KIRREL1: variants seen among roughly 807,000 people sequenced by gnomAD.
KIRREL1 encodes the protein kirre like nephrin family adhesion molecule 1, also known as kin of IRRE-like protein 1.
Under a neutral mutation model 83.3 loss-of-function variants are expected in KIRREL1, and 25 were observed. That is an observed-to-expected ratio of 0.30 (90% CI 0.22 to 0.42). The LOEUF (loss-of-function observed/expected upper bound fraction) is 0.42, where lower values mean the gene tolerates loss of function less well. Ranked by LOEUF, KIRREL1 falls within the 10% of genes least tolerant of loss-of-function variation. The probability of loss-of-function intolerance (pLI) is 1.00; values close to 1 mark genes in which losing one functional copy is unlikely to be tolerated. For missense variants in KIRREL1, 812 were observed against 1,032.3 expected (o/e 0.79, Z 2.92); for synonymous variants, 388 against 410.4 (o/e 0.95, Z 0.66).
chr1:158,002,596 A>G (rs1055871067), intron 1 of KIRREL1, among the ~76,000 whole-genome samples: 8 of 152,204 alleles, frequency 5.3e-5, no homozygotes, highest in African/African-American at 9.7e-5. Context: ...AAAGGTAGGT[A>G]AGATTTAGTC....
chr1:158,026,921 G>A (rs1181998125), intron 1 of KIRREL1, among the ~76,000 whole-genome samples: 2 of 152,114 alleles, frequency 1.3e-5, no homozygotes, highest in Admixed American at 6.5e-5. Flanking sequence ...AAATGTGTGG[G>A]GTTTTCCCTG....
chr1:158,071,987 C>T (rs1054596459), intron 1 of KIRREL1, among the ~76,000 whole-genome samples: 6 of 152,144 alleles, frequency 3.9e-5, no homozygotes, highest in Admixed American at 6.5e-5. Context: ...ATGCCCTGTC[C>T]GAGGCCTGCA....
In KIRREL1 at chr1:158,096,970, C is replaced by T. The variant is rs929256664; in HGVS notation, c.*1850C>T. 5.5e-5 allele frequency: 25 copies of T among 456,636 alleles called. No homozygotes were observed. Among genetic ancestry groups the T allele is most frequent in the Middle Eastern group, 3.2e-4 (1 of 3,098 alleles). The allele number at this position is 456,636 out of a possible 1,614,324, so 28.3% of individuals were successfully genotyped here. On this transcript the variant is annotated 3_prime_UTR_variant, in exon 15 of 15. Transcript: ENST00000359209. ...CACCCTTATGGATGGGTCTGGGGGG[C>T]GACATTCCTGGCCAACCCCTTGTAG...
rs775748534 is a variant in KIRREL1, at chr1:158,099,396, G to C, written c.*4276G>C. ...TTTCTCCTCCTCTCCTCAAGGCCAG[G>C]CTTTTTGTGAAAGGCATTGGCTCAT... On this transcript the variant is annotated 3_prime_UTR_variant, in exon 15 of 15. Coordinates refer to ENST00000359209, the MANE Select transcript of KIRREL1 (RefSeq NM_018240.7). 4 of 152,190 alleles carry C rather than the reference G, an allele frequency of 2.6e-5. No homozygotes were observed. The highest frequency in any genetic ancestry group is 4.4e-5 in the Non-Finnish European group (3 of 68,042). The allele number at this position is 152,190 out of a possible 1,614,324, so 9.4% of individuals were successfully genotyped here.
At chr1:158,066,333 C>A (rs1170238366) in intron 1 of KIRREL1, among the ~76,000 whole-genome samples, 1 of 152,176 alleles carries the variant, frequency 6.6e-6, no homozygotes, top group Non-Finnish European at 1.5e-5. Flanking sequence ...TCTGTCCTGT[C>A]CTCTGTTTCT....
chr1:158,076,408 C>T, intron 2 of KIRREL1, 146 bp downstream of exon 2: 2 of 739,924 alleles, frequency 2.7e-6, no homozygotes, highest in Non-Finnish European at 4.5e-6. Flanking sequence ...TGCTACTGAG[C>T]TCCATTTCTA....
rs1662375827 is a variant in KIRREL1, at chr1:158,097,147, A to G, written c.*2027A>G. ...CTTCCAGCTGTATTCCATCCCTGGA[A>G]GCTGATACCTTTCTATAGAGTCCTT... On this transcript the variant is annotated 3_prime_UTR_variant, in exon 15 of 15. Coordinates refer to ENST00000359209, the MANE Select transcript of KIRREL1 (RefSeq NM_018240.7). 2 of 448,896 alleles carry G rather than the reference A, an allele frequency of 4.5e-6. No individual in the cohort carries two copies. The highest frequency in any genetic ancestry group is 3.2e-5 in the South Asian group (2 of 62,772). The allele number at this position is 448,896 out of a possible 1,614,324, so 27.8% of individuals were successfully genotyped here.
chr1:157,993,842 C>T (rs1659113800), intron 1 of KIRREL1, 114 bp downstream of exon 1: 1 of 594,814 alleles, frequency 1.7e-6, no homozygotes, highest in Non-Finnish European at 2.7e-6. Flanking sequence ...TCCCCGGGTC[C>T]GGACGCCACG....
rs192057980 is a variant in KIRREL1, at chr1:158,086,923, G to A, written c.661+177G>A. Among the ~76,000 whole-genome samples, 46 of 152,218 alleles carry A rather than the reference G, an allele frequency of 3.0e-4. No individual in the cohort carries two copies. The South Asian group carries it at 4.2e-3, about 14-fold the overall frequency. On this transcript the variant is annotated intron_variant, in intron 5 of 14. Transcript: ENST00000359209. ...ATTGAACCATGGGGACTAAGGGCTG[G>A]TAGAGCATTGGCTGTGGAGTCAGGC...
chr1:158,048,861 A>G (rs1161306397), intron 1 of KIRREL1, among the ~76,000 whole-genome samples: 1 of 152,176 alleles, frequency 6.6e-6, no homozygotes, highest in African/African-American at 2.4e-5. Context: ...AAGTATTTAA[A>G]GTGTTTGAAC....
At chr1:158,009,852 G>A (rs1297893181) in intron 1 of KIRREL1, among the ~76,000 whole-genome samples, 1 of 152,128 alleles carries the variant, frequency 6.6e-6, no homozygotes, top group Non-Finnish European at 1.5e-5. Flanking sequence ...AACATAAAAG[G>A]GTTAAACATA....
intron 5 of KIRREL1, 53 bp downstream of exon 5, chr1:158,086,799 G>A (rs1662030280): frequency 2.0e-6 from 3 of 1,487,670 alleles, no homozygotes; most frequent in South Asian, 2.4e-5. Flanking sequence ...GAAGGGGTGT[G>A]TTTGAGAAGC....
At chr1:158,057,301 C>T (rs534961538) in intron 1 of KIRREL1, among the ~76,000 whole-genome samples, 1 of 152,278 alleles carries the variant, frequency 6.6e-6, no homozygotes, top group African/African-American at 2.4e-5. Flanking sequence ...TTTCTGTTAT[C>T]CCAGAAAGGA....
chr1:158,048,286 AT>A (rs1192235719), intron 1 of KIRREL1, among the ~76,000 whole-genome samples: 4 of 152,274 alleles, frequency 2.6e-5, no homozygotes, highest in African/African-American at 9.6e-5. Flanking sequence ...CCTATGAAGA[AT>A]TATTTATGTT....
In KIRREL1 at chr1:158,081,196, A is replaced by ACC. The variant is rs1661844058; in HGVS notation, c.352+3056_352+3057insCC. ...ATGAGCATGACTTCTGGGTCAGGCAAGCCTGGTCCACATCCTAGCTCTGCC... is the reference window on the plus strand; with the variant it reads ...ATGAGCATGACTTCTGGGTCAGGCAACCGCCTGGTCCACATCCTAGCTCTGCC... On this transcript the variant is annotated intron_variant, in intron 3 of 14. Transcript: ENST00000359209. Among the ~76,000 whole-genome samples the ACC allele has an allele frequency of 2.0e-5, 2 of 97,810 alleles. 1 individual carries two copies. Among genetic ancestry groups the ACC allele is most frequent in the Non-Finnish European group, 5.0e-5 (2 of 39,980 alleles). 64.2% of individuals were successfully genotyped at this position (97,810 alleles called of 152,430 possible). A position where few individuals can be genotyped will look rare whatever the true frequency, so the allele number is the denominator to read the frequency against.
chr1:158,034,059 G>A (rs956227528), intron 1 of KIRREL1, among the ~76,000 whole-genome samples: 2 of 151,808 alleles, frequency 1.3e-5, no homozygotes, highest in African/African-American at 4.8e-5. Flanking sequence ...GGATCACGAG[G>A]TCAGGAAATC....
chr1:158,071,160 T>C (rs965127639), intron 1 of KIRREL1, among the ~76,000 whole-genome samples: 16 of 152,178 alleles, frequency 1.1e-4, no homozygotes, highest in African/African-American at 3.9e-4. Flanking sequence ...CTGGCACTTT[T>C]CTCTCTGGAT....
intron 2 of KIRREL1, among the ~76,000 whole-genome samples, chr1:158,077,021 G>A (rs1464458107): frequency 6.6e-6 from 1 of 152,206 alleles, no homozygotes; most frequent in Non-Finnish European, 1.5e-5. Context: ...GTTGCAGGCC[G>A]GTCTGCCTTA....
intron 1 of KIRREL1, among the ~76,000 whole-genome samples, chr1:158,005,122 C>CG (rs1204516463): frequency 6.6e-6 from 1 of 152,038 alleles, no homozygotes; most frequent in Non-Finnish European, 1.5e-5. Flanking sequence ...ACCAAGCTCT[C>CG]GGGTGATGCT....
Sources: gnomAD v4.1 joint callset for allele counts (sites outside exome capture counted in the v4.1 genomes callset) on GRCh38, gnomAD v4.1.1 for gene constraint, MANE v1.5 for transcripts, NCBI Gene and HGNC (gene_info 2026-07-23, HGNC 2026-07-21) for gene names.